The following ARHGAP26 variants were observed in gnomAD, a reference collection of about 807,000 sequenced individuals.
ARHGAP26 encodes Rho GTPase activating protein 26.
ARHGAP26 carries 38 observed loss-of-function variants against 104.8 expected under a neutral mutation model. The observed-to-expected ratio is 0.36, with a 90% CI of 0.28 to 0.48. ARHGAP26 has a LOEUF of 0.48. Among genes scored for constraint, ARHGAP26 ranks in the 20% least tolerant of loss-of-function variants. ARHGAP26 has a pLI of 0.99. For synonymous variants in ARHGAP26, 341 were observed against 340.0 expected, an observed-to-expected ratio of 1.00 and a Z score of -0.03; for missense variants, 704 against 947.9, an observed-to-expected ratio of 0.74 and a Z score of 3.38.
intron 20 of ARHGAP26, among the ~76,000 whole-genome samples, chr5:143,161,135 A>ATGAG (rs995306004): frequency 4.7e-5 from 7 of 149,880 alleles, no homozygotes; most frequent in Admixed American, 2.7e-4. Flanking sequence ...CCTCAGCCTC[A>ATGAG]TGAGTAGCTG....
chr5:142,907,602 G>C, intron 8 of ARHGAP26, 102 bp from the exon 9 acceptor site: 1 of 546,254 alleles, frequency 1.8e-6, no homozygotes, highest in Non-Finnish European at 3.1e-6. Flanking sequence ...TTAAGGGTAG[G>C]GTAGATGAGC....
At chr5:143,115,834 T>A (rs552393631) in intron 17 of ARHGAP26, among the ~76,000 whole-genome samples, 2 of 152,348 alleles carry the variant, frequency 1.3e-5, no homozygotes, top group East Asian at 3.9e-4. Flanking sequence ...GCTGTTAATG[T>A]CTGTCTTATT....
rs557930765 is a variant in ARHGAP26 at position 142,869,171 on chromosome 5, A to G, written c.155-4229A>G. On this transcript the variant is annotated intron_variant, in intron 1 of 22. Transcript: ENST00000645722. ...TCAATGATGGCCTTTCTGAGCTGTA[A>G]TCACTTTCTTTTCTTTTCTTTTTCT... 4.0e-5 allele frequency among the ~76,000 whole-genome samples: 6 copies of G among 149,346 alleles called. No homozygotes were observed. In the South Asian group the frequency reaches 1.3e-3, roughly 32 times the overall value.
chr5:143,037,594 T>C (rs1165727395), intron 13 of ARHGAP26, among the ~76,000 whole-genome samples: 1 of 152,184 alleles, frequency 6.6e-6, no homozygotes, highest in Non-Finnish European at 1.5e-5. Flanking sequence ...TAAGTGATAG[T>C]GGTGGGTCTG....
At chr5:143,209,665 C>T (rs1305635412) in intron 21 of ARHGAP26, among the ~76,000 whole-genome samples, 2 of 151,872 alleles carry the variant, frequency 1.3e-5, no homozygotes, top group African/African-American at 4.8e-5. Context: ...CCTGTAATCC[C>T]AGCTACTCAG....
intron 11 of ARHGAP26, among the ~76,000 whole-genome samples, chr5:142,998,285 G>C (rs1430011008): frequency 2.6e-5 from 4 of 152,122 alleles, no homozygotes; most frequent in African/African-American, 9.7e-5. Flanking sequence ...TGTGGAGCAG[G>C]GCTGAGTAGT....
At chr5:142,991,515 C>G (rs1348475178) in intron 11 of ARHGAP26, among the ~76,000 whole-genome samples, 3 of 152,124 alleles carry the variant, frequency 2.0e-5, no homozygotes, top group Non-Finnish European at 4.4e-5. Flanking sequence ...CTGGAAATGC[C>G]GAAATCACCT....
chr5:142,828,334 G>A (rs1401535122), intron 1 of ARHGAP26, among the ~76,000 whole-genome samples: 1 of 152,184 alleles, frequency 6.6e-6, no homozygotes, highest in Non-Finnish European at 1.5e-5. Context: ...TACCCGTGCA[G>A]TTTCCCTTCT....
chr5:143,198,100 T>G (rs1191041914), intron 20 of ARHGAP26, among the ~76,000 whole-genome samples: 1 of 152,184 alleles, frequency 6.6e-6, no homozygotes, highest in African/African-American at 2.4e-5. Flanking sequence ...CAACGAAAGA[T>G]TGGATGTAGT....
intron 18 of ARHGAP26, among the ~76,000 whole-genome samples, chr5:143,133,287 G>A (rs1267217862): frequency 3.3e-5 from 5 of 151,958 alleles, no homozygotes; most frequent in African/African-American, 7.3e-5. Context: ...TGGTAAAATC[G>A]GGATAATTTT....
intron 11 of ARHGAP26, among the ~76,000 whole-genome samples, chr5:142,948,554 C>G (rs973676633): frequency 2.6e-5 from 4 of 151,858 alleles, no homozygotes; most frequent in Non-Finnish European, 5.9e-5. Flanking sequence ...CCACCAGCAT[C>G]CCTGTGGCCA....
intron 17 of ARHGAP26, among the ~76,000 whole-genome samples, chr5:143,068,321 T>A (rs1787798838): frequency 6.6e-6 from 1 of 152,252 alleles, no homozygotes; most frequent in Non-Finnish European, 1.5e-5. Flanking sequence ...AGGCCATTTC[T>A]TCTCTTCTAG....
intron 13 of ARHGAP26, 149 bp downstream of exon 13, chr5:143,037,410 C>T (rs532506305): frequency 3.7e-6 from 2 of 536,202 alleles, no homozygotes; most frequent in East Asian, 3.3e-5. Context: ...TCTTGTTGGT[C>T]TCAAGCAGGA....
At position 142,919,877 on chromosome 5, in the gene ARHGAP26, T is replaced by C. The variant is rs1281895526; in HGVS notation, c.1028+6584T>C. 3.9e-5 allele frequency among the ~76,000 whole-genome samples: 6 copies of C among 152,222 alleles called. No individual in the cohort carries two copies. The East Asian group carries it at 1.2e-3, about 29-fold the overall frequency. ...TTAGCCGAGCATGGTGGTGGGCACC[T>C]GTAATTCCAGCTATTCAGGAGGCTG... On this transcript the variant is annotated intron_variant, in intron 10 of 22. Coordinates refer to ENST00000645722, the MANE Select transcript of ARHGAP26 (RefSeq NM_001135608.3).
intron 17 of ARHGAP26, among the ~76,000 whole-genome samples, chr5:143,096,327 T>A (rs182699855): frequency 6.6e-6 from 1 of 152,366 alleles, no homozygotes; most frequent in Admixed American, 6.5e-5. Context: ...AGATCCAGAT[T>A]TTCTAAAATT....
Position 142,907,814 on chromosome 5 carries a change from T to A in ARHGAP26, c.933+10T>A, listed in dbSNP as rs574246699. On this transcript the variant is annotated intron_variant, in intron 9 of 22. Transcript: ENST00000645722. ...GTCAGGAGGAAAAGGGGTGAGTTCA[T>A]TTTTAAAATTTGATGTTTGATTTGC... 6.3e-7 allele frequency: 1 copy of A among 1,589,318 alleles called. No homozygotes were observed. Among genetic ancestry groups the A allele is most frequent in the African/African-American group, 1.3e-5 (1 of 74,468 alleles).
intron 11 of ARHGAP26, among the ~76,000 whole-genome samples, chr5:143,005,554 G>T (rs1777827614): frequency 6.6e-6 from 1 of 152,192 alleles, no homozygotes; most frequent in Non-Finnish European, 1.5e-5. Flanking sequence ...GAAAATGAGG[G>T]TGGTATCCCT....
At chr5:143,217,690 A>T (rs1050838041) in intron 22 of ARHGAP26, among the ~76,000 whole-genome samples, 3 of 152,088 alleles carry the variant, frequency 2.0e-5, no homozygotes, top group Non-Finnish European at 4.4e-5. Context: ...ACAGGAGGGC[A>T]CTCAGGGATC....
chr5:143,111,989 G>A (rs990497483), intron 17 of ARHGAP26, among the ~76,000 whole-genome samples: 1 of 152,156 alleles, frequency 6.6e-6, no homozygotes, highest in African/African-American at 2.4e-5. Context: ...GCCTCCCACA[G>A]CATCCATGTG....
Sources: allele counts gnomAD v4.1 joint callset (sites outside exome capture counted in the v4.1 genomes callset), GRCh38; gene constraint gnomAD v4.1.1; transcripts MANE v1.5; gene names NCBI Gene and HGNC (gene_info 2026-07-23, HGNC 2026-07-21).